The following CFAP68 variants were observed in gnomAD, a reference collection of about 807,000 sequenced individuals.
The protein encoded by CFAP68 is cilia- and flagella-associated protein 68.
the CFAP68 span, among the ~76,000 whole-genome samples, chr11:111,880,514 T>TG: frequency 6.6e-6 from 1 of 152,160 alleles, no homozygotes; most frequent in Non-Finnish European, 1.5e-5. Context: ...GAGTGATCTC[T>TG]GGTCATCCTC....
the CFAP68 span, chr11:111,881,463 G>A: frequency 7.8e-6 from 12 of 1,535,956 alleles, no homozygotes; most frequent in Non-Finnish European, 1.0e-5. Flanking sequence ...GGTAATCTGG[G>A]TGATTCTTTC....
chr11:111,882,255 A>G, the CFAP68 span: 7 of 802,866 alleles, frequency 8.7e-6, no homozygotes, highest in Non-Finnish European at 1.2e-5. Context: ...AGCCTGGATC[A>G]TTAGTACGGT....
At chr11:111,881,669 A>G in the CFAP68 span, 1 of 1,480,044 alleles carries the variant, frequency 6.8e-7, no homozygotes, top group Non-Finnish European at 8.9e-7. Flanking sequence ...AAAAAGAAAG[A>G]TTGAGCTTTT....
chr11:111,883,428 A>T, the CFAP68 span, among the ~76,000 whole-genome samples: 1 of 149,422 alleles, frequency 6.7e-6, no homozygotes, highest in Admixed American at 6.7e-5. Context: ...CATCTCTACT[A>T]AAAAAAATAC....
the CFAP68 span, chr11:111,881,427 C>A: frequency 6.5e-7 from 1 of 1,534,136 alleles, no homozygotes; most frequent in Non-Finnish European, 8.7e-7. Context: ...TGGGTGGTGA[C>A]TCCCAAATCA....
the CFAP68 span, among the ~76,000 whole-genome samples, chr11:111,881,988 A>G: frequency 1.3e-5 from 2 of 152,190 alleles, no homozygotes; most frequent in African/African-American, 4.8e-5. Context: ...TTATCTAGTT[A>G]CTCAACTCTC....
At chr11:111,882,544 C>G in the CFAP68 span, 3 of 1,613,722 alleles carry the variant, frequency 1.9e-6, no homozygotes, top group African/African-American at 4.0e-5. Flanking sequence ...GCAACTGGAA[C>G]CAGGAAAGAT....
the CFAP68 span, chr11:111,885,411 G>A: frequency 6.6e-6 from 1 of 152,184 alleles, no homozygotes; most frequent in African/African-American, 2.4e-5. Flanking sequence ...AAGGAAACCT[G>A]TTGACTAAAC....
chr11:111,882,134 C>T, the CFAP68 span, among the ~76,000 whole-genome samples: 1 of 152,044 alleles, frequency 6.6e-6, no homozygotes, highest in Admixed American at 6.6e-5. Context: ...CTTCACGGGG[C>T]CTGGGGAGCG....
chr11:111,880,883 C>G, the CFAP68 span: 1 of 421,632 alleles, frequency 2.4e-6, no homozygotes, highest in African/African-American at 2.1e-5. Context: ...ACTCTGAAAA[C>G]GGTGGAAAGC....
chr11:111,880,185 A>G, the CFAP68 span, among the ~76,000 whole-genome samples: 2 of 152,064 alleles, frequency 1.3e-5, no homozygotes, highest in Non-Finnish European at 2.9e-5. Flanking sequence ...TAGTTTTTCA[A>G]CCCACACCAC....
the CFAP68 span, chr11:111,883,696 C>G: frequency 1.0e-6 from 1 of 990,724 alleles, no homozygotes; most frequent in Non-Finnish European, 1.6e-6. Context: ...GAAATAAGAG[C>G]AAGATCAGTT....
chr11:111,881,370 C>A, the CFAP68 span: 1 of 1,496,918 alleles, frequency 6.7e-7, no homozygotes. Context: ...GGATGTCATC[C>A]TTCAATGCTG....
the CFAP68 span, among the ~76,000 whole-genome samples, chr11:111,883,605 GAAA>G: frequency 2.2e-4 from 33 of 149,604 alleles, no homozygotes; most frequent in African/African-American, 8.1e-4. Flanking sequence ...AAAAAAAAAA[GAAA>G]AAAAAGGTGA....
At chr11:111,881,316 G>GCA in the CFAP68 span, 8 of 1,444,046 alleles carry the variant, frequency 5.5e-6, no homozygotes, top group African/African-American at 2.9e-5. Context: ...ATCAGTGCAT[G>GCA]CATCTGTCTT....
the CFAP68 span, chr11:111,882,263 G>T: frequency 1.2e-6 from 1 of 847,392 alleles, no homozygotes. Flanking sequence ...TCATTAGTAC[G>T]GTGTGCTTGT....
chr11:111,881,554 C>G, the CFAP68 span: 6 of 1,535,942 alleles, frequency 3.9e-6, no homozygotes, highest in Non-Finnish European at 5.2e-6. Context: ...TTCTGTGACT[C>G]TCATAAGAAA....
the CFAP68 span, chr11:111,881,426 A>G: frequency 6.5e-7 from 1 of 1,532,694 alleles, no homozygotes; most frequent in South Asian, 1.2e-5. Flanking sequence ...GTGGGTGGTG[A>G]CTCCCAAATC....
chr11:111,881,235 C>T, the CFAP68 span: 13,289 of 1,369,896 alleles, frequency 9.7e-3, 81 homozygotes, highest in Non-Finnish European at 0.012. Flanking sequence ...ACACCTAGAT[C>T]TCCAGTATGA....
Sources: allele counts gnomAD v4.1 joint callset (sites outside exome capture counted in the v4.1 genomes callset), GRCh38; gene constraint gnomAD v4.1.1; transcripts MANE v1.5; gene names NCBI Gene and HGNC (gene_info 2026-07-23, HGNC 2026-07-21).